FAM222A: variants seen among roughly 807,000 people sequenced by gnomAD.
The protein encoded by FAM222A is family with sequence similarity 222 member A, also known as protein FAM222A.
Under a neutral mutation model 25.8 loss-of-function variants are expected in FAM222A, and 7 were observed. The ratio of observed to expected loss-of-function variants is 0.27; its 90% confidence interval spans 0.15 to 0.51. The LOEUF is 0.51. Among genes scored for constraint, FAM222A ranks in the 20% least tolerant of loss-of-function variants. The probability of loss-of-function intolerance (pLI) is 0.97; values close to 1 mark genes in which losing one functional copy is unlikely to be tolerated. For synonymous variants in FAM222A, 294 were observed against 298.8 expected (o/e 0.98, Z 0.17); for missense variants, 573 against 640.5 (o/e 0.89, Z 1.14).
intron 1 of FAM222A, chr12:109,720,258 C>T (rs994588114): frequency 1.1e-5 from 10 of 891,416 alleles, no homozygotes; most frequent in Middle Eastern, 5.7e-4. Context: ...GGGGTGAGGC[C>T]GAGACTAGCT....
Position 109,744,117 on chromosome 12 carries a change from C to G in FAM222A, c.-30C>G. ...CTCCTGCAGGGACCCAGTCGCAGAG[C>G]GCACCCCACTGGGGACCCCCAGCTC... On this transcript the variant is annotated 5_prime_UTR_variant, in exon 2 of 3. Transcript: ENST00000538780. 1 of 1,608,176 alleles carries G rather than the reference C, an allele frequency of 6.2e-7. No homozygotes were observed. Among genetic ancestry groups the G allele is most frequent in the East Asian group, 2.2e-5 (1 of 44,824 alleles).
Position 109,714,907 on chromosome 12 carries a change from G to A in FAM222A, c.-47+10G>A, listed in dbSNP as rs1887613929. 6.5e-6 allele frequency: 1 copy of A among 153,142 alleles called. No individual in the cohort carries two copies. The highest frequency in any genetic ancestry group is 1.5e-5 in the Non-Finnish European group (1 of 68,868). 9.5% of individuals were successfully genotyped at this position (153,142 alleles called of 1,614,324 possible). A position where few individuals can be genotyped will look rare whatever the true frequency, so the allele number is the denominator to read the frequency against. On this transcript the variant is annotated intron_variant, in intron 1 of 2. Coordinates refer to ENST00000538780, the MANE Select transcript of FAM222A (RefSeq NM_032829.3). This position sits in a 1 kb window ranked among gnomAD's most constrained non-coding sequence, Gnocchi z 4.2. ...CGGCCTGGCTGATCCGGTGAGTTGTGCGGGGCGGGGTTCTGCGCTGGAGCT... is the reference window on the plus strand; with the variant it reads ...CGGCCTGGCTGATCCGGTGAGTTGTACGGGGCGGGGTTCTGCGCTGGAGCT...
chr12:109,716,824 T>C (rs1887655186), intron 1 of FAM222A, among the ~76,000 whole-genome samples: 1 of 152,236 alleles, frequency 6.6e-6, no homozygotes, highest in African/African-American at 2.4e-5. Context: ...TGCCAGACGA[T>C]GAGCAGGAGG....
intron 1 of FAM222A, among the ~76,000 whole-genome samples, chr12:109,733,864 G>A (rs757779092): frequency 7.2e-5 from 11 of 152,180 alleles, no homozygotes; most frequent in African/African-American, 1.2e-4. Context: ...GACAGGGACA[G>A]TGCAGATAGA....
intron 1 of FAM222A, among the ~76,000 whole-genome samples, chr12:109,723,159 G>A (rs559673382): frequency 5.1e-4 from 77 of 152,250 alleles, no homozygotes; most frequent in African/African-American, 1.7e-3. Context: ...TTTTGAGCCC[G>A]GGGTGGATGG....
At chr12:109,725,913 G>T (rs1458531221) in intron 1 of FAM222A, among the ~76,000 whole-genome samples, 2 of 151,898 alleles carry the variant, frequency 1.3e-5, no homozygotes, top group South Asian at 2.1e-4. Context: ...CCCGGATGGT[G>T]CGCGCCGGCT....
chr12:109,728,226 C>G (rs1303086489), intron 1 of FAM222A, among the ~76,000 whole-genome samples: 1 of 152,172 alleles, frequency 6.6e-6, no homozygotes, highest in African/African-American at 2.4e-5. Flanking sequence ...CTCCCAGGAG[C>G]ATAATCATGC....
chr12:109,765,403 G>A (rs559490071), intron 2 of FAM222A, among the ~76,000 whole-genome samples: 8 of 152,276 alleles, frequency 5.3e-5, no homozygotes, highest in African/African-American at 1.9e-4. Flanking sequence ...GGCCCTCCCG[G>A]CCGGCCACCT....
chr12:109,754,618 A>G (rs1236779834), intron 2 of FAM222A, among the ~76,000 whole-genome samples: 2 of 152,144 alleles, frequency 1.3e-5, no homozygotes, highest in East Asian at 3.9e-4. Context: ...TTTATTTACA[A>G]AAGCAGCCAG....
intron 2 of FAM222A, among the ~76,000 whole-genome samples, chr12:109,761,764 C>T (rs1383325382): frequency 6.6e-6 from 1 of 152,144 alleles, no homozygotes; most frequent in African/African-American, 2.4e-5. Flanking sequence ...TTGGGCAGCT[C>T]CCAGGGCTTC....
chr12:109,743,640 G>A (rs1468113944), intron 1 of FAM222A, among the ~76,000 whole-genome samples: 1 of 152,218 alleles, frequency 6.6e-6, no homozygotes, highest in East Asian at 1.9e-4. Context: ...AGTAACCTGG[G>A]ACACCCATGT....
rs560864515 is a variant in FAM222A at position 109,769,340 on chromosome 12, C to T, written c.*52C>T. ...GCGGACAGGGCGCAGAGCCGGGAGG[C>T]AGGCCGCAGAACAGGGTGGGCGGCT... is the stretch of plus-strand genomic sequence containing the variant. On this transcript the variant is annotated 3_prime_UTR_variant, in exon 3 of 3. Transcript: ENST00000538780. 5.5e-5 allele frequency: 83 copies of T among 1,514,644 alleles called. No individual in the cohort carries two copies. The highest frequency in any genetic ancestry group is 1.8e-4 in the Admixed American group (9 of 50,152). 93.8% of individuals were successfully genotyped at this position (1,514,644 alleles called of 1,614,324 possible).
At chr12:109,724,056 G>A (rs1342150367) in intron 1 of FAM222A, among the ~76,000 whole-genome samples, 1 of 152,204 alleles carries the variant, frequency 6.6e-6, no homozygotes, top group Non-Finnish European at 1.5e-5. Flanking sequence ...TTCCTGCAGG[G>A]TGGTCCTGGC....
At position 109,768,955 on chromosome 12, in the gene FAM222A, C is replaced by T. The variant is rs79456911; in HGVS notation, c.1026C>T (p.Gly342=). 1 of 1,574,032 alleles carries T rather than the reference C, an allele frequency of 6.4e-7. No homozygotes were observed. Among genetic ancestry groups the T allele is most frequent in the Admixed American group, 1.8e-5 (1 of 55,622 alleles). ...GVGLPTSFTV[G]QYFAAPWNSV... ...GGCTGCCCACCAGCTTCACCGTAGGCCAGTACTTTGCGGCCCCGTGGAACA... is the reference window on the plus strand; with the variant it reads ...GGCTGCCCACCAGCTTCACCGTAGGTCAGTACTTTGCGGCCCCGTGGAACA... Residue 342 remains glycine (G), a synonymous_variant, in exon 3 of 3, where the codon GGC becomes GGT. Coordinates refer to ENST00000538780, the MANE Select transcript of FAM222A (RefSeq NM_032829.3).
chr12:109,764,773 G>A (rs986091209), intron 2 of FAM222A, among the ~76,000 whole-genome samples: 1 of 152,222 alleles, frequency 6.6e-6, no homozygotes, highest in Non-Finnish European at 1.5e-5. Flanking sequence ...GCTGGTAAAT[G>A]AAGAGCTGGT....
At chr12:109,756,530 C>T (rs1223054721) in intron 2 of FAM222A, among the ~76,000 whole-genome samples, 3 of 151,548 alleles carry the variant, frequency 2.0e-5, no homozygotes, top group African/African-American at 7.3e-5. Context: ...ATGATGTTAA[C>T]TATGTAGTTT....
At chr12:109,754,028 C>A (rs1476680775) in intron 2 of FAM222A, among the ~76,000 whole-genome samples, 6 of 152,124 alleles carry the variant, frequency 3.9e-5, no homozygotes, top group Non-Finnish European at 8.8e-5. Context: ...AGATCTCAAC[C>A]CTGTTTAGGA....
At chr12:109,766,248 C>T (rs552691987) in intron 2 of FAM222A, among the ~76,000 whole-genome samples, 69 of 152,332 alleles carry the variant, frequency 4.5e-4, no homozygotes, top group African/African-American at 1.4e-3. Flanking sequence ...TCTCCATACC[C>T]CCTCAGCCCC....
chr12:109,745,690 G>A, intron 2 of FAM222A, among the ~76,000 whole-genome samples: 1 of 152,164 alleles, frequency 6.6e-6, no homozygotes, highest in East Asian at 1.9e-4. Context: ...TTTGTTTAGG[G>A]ATACAAGGTC....
Sources: gnomAD v4.1 joint callset for allele counts (sites outside exome capture counted in the v4.1 genomes callset) on GRCh38, gnomAD v4.1.1 for gene constraint, Gnocchi (gnomAD v3.1) non-coding constraint, MANE v1.5 for transcripts, NCBI Gene and HGNC (gene_info 2026-07-23, HGNC 2026-07-21) for gene names.